Variants in CDK6 observed in about 807,000 individuals in gnomAD.
The protein encoded by CDK6 is cyclin-dependent kinase 6.
Under a neutral mutation model 37.1 loss-of-function variants are expected in CDK6, and 6 were observed. The ratio of observed to expected loss-of-function variants is 0.16; its 90% CI spans 0.09 to 0.32. The LOEUF (loss-of-function observed/expected upper bound fraction) is 0.32, where lower values mean the gene tolerates loss of function less well. CDK6 is among the 10% of genes least tolerant of loss of function. CDK6 has a pLI of 1.00. For synonymous variants in CDK6, 160 were observed against 161.3 expected, an observed-to-expected ratio of 0.99 and a Z score of 0.06; for missense variants, 224 against 418.9, an observed-to-expected ratio of 0.53 and a Z score of 4.06.
intron 4 of CDK6, among the ~76,000 whole-genome samples, chr7:92,724,070 C>G (rs1798451781): frequency 6.6e-6 from 1 of 152,132 alleles, no homozygotes; most frequent in Non-Finnish European, 1.5e-5. Context: ...TTCCTTCCAT[C>G]TACTCCCCTG....
At chr7:92,642,433 C>A (rs965143684) in intron 5 of CDK6, among the ~76,000 whole-genome samples, 9 of 152,098 alleles carry the variant, frequency 5.9e-5, no homozygotes, top group African/African-American at 1.9e-4. Flanking sequence ...ATGCTGTGTA[C>A]CCCACGCTTG....
chr7:92,815,482 G>T (rs1801004710), intron 2 of CDK6, among the ~76,000 whole-genome samples: 1 of 152,146 alleles, frequency 6.6e-6, no homozygotes, highest in African/African-American at 2.4e-5. Context: ...CTAGAAACTA[G>T]ATAAACATAT....
chr7:92,664,158 A>T (rs1048538838), intron 5 of CDK6, among the ~76,000 whole-genome samples: 1 of 152,100 alleles, frequency 6.6e-6, no homozygotes, highest in Non-Finnish European at 1.5e-5. Context: ...TAAAATAAAA[A>T]AAAAGAGATC....
At chr7:92,792,829 A>G (rs989017013) in intron 2 of CDK6, among the ~76,000 whole-genome samples, 1 of 152,032 alleles carries the variant, frequency 6.6e-6, no homozygotes, top group African/African-American at 2.4e-5. Flanking sequence ...TACTTCTCAG[A>G]GCTCCAGACA....
chr7:92,672,170 C>CACAT (rs1797091914), intron 4 of CDK6, among the ~76,000 whole-genome samples: 1 of 101,428 alleles, frequency 9.9e-6, no homozygotes, highest in Admixed American at 1.1e-4. Flanking sequence ...TACACATACA[C>CACAT]ACACACACAC....
At chr7:92,744,928 T>C (rs1271887621) in intron 3 of CDK6, among the ~76,000 whole-genome samples, 2 of 152,170 alleles carry the variant, frequency 1.3e-5, no homozygotes, top group Non-Finnish European at 2.9e-5. Flanking sequence ...ACTCTTACCT[T>C]TCTCGCTGGG....
chr7:92,710,428 T>C (rs1020558070), intron 4 of CDK6, among the ~76,000 whole-genome samples: 4 of 152,208 alleles, frequency 2.6e-5, no homozygotes, highest in Admixed American at 2.6e-4. Flanking sequence ...CACTCTCAAC[T>C]AACCAAAGAA....
chr7:92,676,969 A>AAAAAG (rs1562932631), intron 4 of CDK6, among the ~76,000 whole-genome samples: 4 of 151,808 alleles, frequency 2.6e-5, no homozygotes, highest in Non-Finnish European at 5.9e-5. Flanking sequence ...AAAAAAAAAA[A>AAAAAG]AAAGAAAGAA....
chr7:92,648,261 T>G (rs1010966665), intron 5 of CDK6, among the ~76,000 whole-genome samples: 12 of 152,224 alleles, frequency 7.9e-5, no homozygotes, highest in Admixed American at 2.6e-4. Context: ...AAGAGTCTTG[T>G]GTCTTTTGCC....
chr7:92,675,715 T>A lies in CDK6; in HGVS notation c.538-4180A>T, dbSNP rs186684455. On this transcript the variant is annotated intron_variant, in intron 4 of 7. Transcript: ENST00000424848. The stretch of plus-strand genomic sequence containing the variant: ...AATCTCGCTCATAGAGCTGTCTGGA[T>A]CTTTGTTAGCAGTGTGTCTTAACGG... 1.3e-3 allele frequency among the ~76,000 whole-genome samples: 195 copies of A among 152,304 alleles called. 1 individual carries two copies. Among genetic ancestry groups the A allele is most frequent in the Non-Finnish European group, 4.0e-4 (27 of 68,026 alleles).
intron 3 of CDK6, among the ~76,000 whole-genome samples, chr7:92,737,924 T>G (rs1008789780): frequency 6.6e-6 from 1 of 152,228 alleles, no homozygotes; most frequent in African/African-American, 2.4e-5. Context: ...GGTGAGAAAC[T>G]GAAAACAACA....
intron 5 of CDK6, among the ~76,000 whole-genome samples, chr7:92,650,712 A>G (rs1006419042): frequency 6.6e-6 from 1 of 152,150 alleles, no homozygotes; most frequent in Non-Finnish European, 1.5e-5. Context: ...ATGTGGTTGT[A>G]AGACTGAGGT....
At chr7:92,724,871 A>G (rs1190062712) in intron 4 of CDK6, among the ~76,000 whole-genome samples, 1 of 152,202 alleles carries the variant, frequency 6.6e-6, no homozygotes, top group Non-Finnish European at 1.5e-5. Context: ...TTTCAAAGAG[A>G]AGGGTATTAA....
intron 2 of CDK6, among the ~76,000 whole-genome samples, chr7:92,817,310 A>G (rs989133362): frequency 6.6e-6 from 1 of 151,986 alleles, no homozygotes; most frequent in African/African-American, 2.4e-5. Flanking sequence ...CTACATCATG[A>G]CCAAGTAGGG....
intron 4 of CDK6, among the ~76,000 whole-genome samples, chr7:92,718,659 T>C (rs1358135933): frequency 6.6e-6 from 1 of 152,154 alleles, no homozygotes; most frequent in Non-Finnish European, 1.5e-5. Flanking sequence ...TCCAGGCGCG[T>C]TCAACAGGAG....
At chr7:92,708,700 T>G (rs1273086745) in intron 4 of CDK6, among the ~76,000 whole-genome samples, 4 of 152,224 alleles carry the variant, frequency 2.6e-5, no homozygotes, top group Non-Finnish European at 5.9e-5. Context: ...TCATGATAGA[T>G]TCATCTGAAT....
intron 5 of CDK6, among the ~76,000 whole-genome samples, chr7:92,666,669 T>A (rs1796961748): frequency 6.6e-6 from 1 of 152,200 alleles, no homozygotes; most frequent in Non-Finnish European, 1.5e-5. Context: ...GATTCCTATC[T>A]CCTAGCCATC....
At chr7:92,692,176 GA>G (rs916715865) in intron 4 of CDK6, among the ~76,000 whole-genome samples, 13 of 152,044 alleles carry the variant, frequency 8.6e-5, no homozygotes, top group African/African-American at 3.1e-4. Flanking sequence ...TGAGGCAGGA[GA>G]ATTGCTTGAA....
In CDK6 at chr7:92,678,342, G is replaced by A. The variant is rs561076485; in HGVS notation, c.538-6807C>T. 2.0e-5 allele frequency among the ~76,000 whole-genome samples: 3 copies of A among 151,928 alleles called. No individual in the cohort carries two copies. The East Asian group carries it at 5.8e-4, about 29-fold the overall frequency. ...AGAGTTTGGTGATTGGAGCCAGCTG[G>A]AACCAAAGCAAATACCATGTTTATT... On this transcript the variant is annotated intron_variant, in intron 4 of 7. Transcript: ENST00000424848.
Sources: allele counts gnomAD v4.1 joint callset (sites outside exome capture counted in the v4.1 genomes callset), GRCh38; gene constraint gnomAD v4.1.1; transcripts MANE v1.5; gene names NCBI Gene and HGNC (gene_info 2026-07-23, HGNC 2026-07-21).